TNFRSF10D: variants seen among roughly 807,000 people sequenced by gnomAD.
TNFRSF10D encodes tumor necrosis factor receptor superfamily member 10D.
A neutral mutation model predicts 42.1 loss-of-function variants in TNFRSF10D; 28 were observed. The ratio of observed to expected loss-of-function variants is 0.66; its 90% CI spans 0.49 to 0.91. TNFRSF10D has a LOEUF of 0.91. TNFRSF10D is among the 40% of genes least tolerant of loss of function. TNFRSF10D has a pLI of 0.00. For synonymous variants in TNFRSF10D, 186 were observed against 189.4 expected (o/e 0.98, Z 0.15); for missense variants, 503 against 486.1 (o/e 1.03, Z -0.33).
rs1563356817 is a variant in TNFRSF10D at position 23,145,841 on chromosome 8, G to T, written c.563C>A (p.Ser188Tyr). The change falls in exon 5 of 9, where the codon TCC (serine) becomes TAC (tyrosine). Residue 188 changes from serine to tyrosine, a missense_variant. By Grantham distance (144) the Ser-to-Tyr change is moderately radical. Coordinates refer to ENST00000312584, the MANE Select transcript of TNFRSF10D (RefSeq NM_003840.5). ...IKCKNESAAS[S>Y]TGKTPAAEET... Reference sequence around the variant, plus strand: ...CTCCGCTGCTGGGGTTTTCCCAGTGGAACTGGCAGCTGATTCATTTTTGCA... The same window carrying T: ...CTCCGCTGCTGGGGTTTTCCCAGTGTAACTGGCAGCTGATTCATTTTTGCA... 6.2e-7 allele frequency: 1 copy of T among 1,614,230 alleles called. No individual in the cohort carries two copies. Among genetic ancestry groups the T allele is most frequent in the Non-Finnish European group, 8.5e-7 (1 of 1,180,044 alleles).
At chr8:23,144,973 G>A in intron 6 of TNFRSF10D, 85 bp downstream of exon 6, 1 of 1,587,712 alleles carries the variant, frequency 6.3e-7, no homozygotes. Flanking sequence ...TGAGGACAAG[G>A]GATTGTGCCC....
At chr8:23,140,981 G>A (rs554891291) in intron 7 of TNFRSF10D, among the ~76,000 whole-genome samples, 4 of 152,214 alleles carry the variant, frequency 2.6e-5, no homozygotes, top group South Asian at 2.1e-4. Context: ...GCAGAACAAC[G>A]AAAACTAGAC....
At position 23,137,936 on chromosome 8, in the gene TNFRSF10D, T is replaced by G. The variant is rs1216453119; in HGVS notation, c.1095A>C (p.Gln365His). 2 of 1,614,126 alleles carry G rather than the reference T, an allele frequency of 1.2e-6. No homozygotes were observed. Among genetic ancestry groups the G allele is most frequent in the Non-Finnish European group, 8.5e-7 (1 of 1,180,052 alleles). ...AAAAGAGCTTTTCGGAGCCCACCAG[T>G]TGGTCCTGAATTGTTTCCTTTGCAT... The part of the protein sequence containing the change: ...EGHAKETIQD[Q>H]LVGSEKLFYE... Residue 365 changes from glutamine to histidine, a missense_variant, in exon 9 of 9, where the codon CAA becomes CAC. By Grantham distance (24) the Gln-to-His change is conservative. Transcript: ENST00000312584.
At chr8:23,145,494 AG>A (rs546965055) in intron 5 of TNFRSF10D, among the ~76,000 whole-genome samples, 173 bp downstream of exon 5, 81 of 152,232 alleles carry the variant, frequency 5.3e-4, no homozygotes, top group African/African-American at 1.8e-3. Flanking sequence ...TGATGAGACC[AG>A]GGTCCTTGGG....
intron 3 of TNFRSF10D, among the ~76,000 whole-genome samples, chr8:23,147,583 G>C (rs58785008): frequency 0.065 from 9,932 of 152,220 alleles, 1,067 homozygotes; most frequent in African/African-American, 0.23. Flanking sequence ...GCCCCCACCC[G>C]GCTGCAGGCA....
chr8:23,147,946 T>C (rs1800147309), intron 3 of TNFRSF10D, among the ~76,000 whole-genome samples: 1 of 151,164 alleles, frequency 6.6e-6, no homozygotes, highest in South Asian at 2.1e-4. Context: ...GCACCTGTAG[T>C]CATAGCTACT....
intron 5 of TNFRSF10D, 77 bp from the exon 6 acceptor site, chr8:23,145,166 A>T: frequency 6.3e-7 from 1 of 1,590,618 alleles, no homozygotes; most frequent in Non-Finnish European, 8.6e-7. Flanking sequence ...AGTGGGGCGC[A>T]GGGCTGGCTG....
At chr8:23,149,539 C>T (rs1335505364) in intron 2 of TNFRSF10D, among the ~76,000 whole-genome samples, 10 of 150,206 alleles carry the variant, frequency 6.7e-5, no homozygotes, top group African/African-American at 2.5e-4. Context: ...ATGCCACGCC[C>T]AGTCTACTTT....
At chr8:23,150,447 C>A (rs772693459) in intron 2 of TNFRSF10D, among the ~76,000 whole-genome samples, 1 of 152,222 alleles carries the variant, frequency 6.6e-6, no homozygotes, top group Non-Finnish European at 1.5e-5. Flanking sequence ...TGGATTAAGT[C>A]CCTGCTTCTT....
intron 1 of TNFRSF10D, among the ~76,000 whole-genome samples, chr8:23,159,051 G>A (rs533820956): frequency 9.2e-5 from 14 of 152,132 alleles, no homozygotes; most frequent in African/African-American, 3.1e-4. Context: ...GAATCACATG[G>A]TATGCATTCT....
At chr8:23,145,127 G>A (rs1800096709) in intron 5 of TNFRSF10D, 38 bp from the exon 6 acceptor site, 1 of 1,613,012 alleles carries the variant, frequency 6.2e-7, no homozygotes, top group Non-Finnish European at 8.5e-7. Context: ...GCGGGGAGGG[G>A]CCCATGCAGC....
Position 23,163,998 on chromosome 8 carries a change from T to C in TNFRSF10D, c.-63A>G. On this transcript the variant is annotated 5_prime_UTR_variant, in exon 1 of 9. Coordinates refer to ENST00000312584, the MANE Select transcript of TNFRSF10D (RefSeq NM_003840.5). Reference sequence around the variant, plus strand: ...AATCAGAAATCGTCCCCGTAGTTTGTGCGCGTGCAAAGGTTCTCGCAGCTA... The same window carrying C: ...AATCAGAAATCGTCCCCGTAGTTTGCGCGCGTGCAAAGGTTCTCGCAGCTA... 6.7e-7 allele frequency: 1 copy of C among 1,490,622 alleles called. No homozygotes were observed. The highest frequency in any genetic ancestry group is 8.9e-7 in the Non-Finnish European group (1 of 1,123,674). 92.3% of individuals were successfully genotyped at this position (1,490,622 alleles called of 1,614,324 possible). A position where few individuals can be genotyped will look rare whatever the true frequency, so the allele number is the denominator to read the frequency against.
intron 1 of TNFRSF10D, among the ~76,000 whole-genome samples, chr8:23,157,033 A>T (rs1251732743): frequency 4.5e-3 from 678 of 151,766 alleles, no homozygotes; most frequent in African/African-American, 0.014. Flanking sequence ...CGAGACACAA[A>T]TCACATAATT....
rs1477306013 is a variant in TNFRSF10D at position 23,148,606 on chromosome 8, G to T, written c.257-55C>A. ...AGTCACCACAGAATTCCCAGAGGCTGACAATGGCTGGCAAATTTCTCTTTT... is the reference window on the plus strand; with the variant it reads ...AGTCACCACAGAATTCCCAGAGGCTTACAATGGCTGGCAAATTTCTCTTTT... On this transcript the variant is annotated intron_variant, in intron 2 of 8. Coordinates refer to ENST00000312584, the MANE Select transcript of TNFRSF10D (RefSeq NM_003840.5). The T allele has an allele frequency of 6.6e-6, 9 of 1,360,342 alleles. No homozygotes were observed. In the Admixed American group the frequency reaches 1.1e-4, roughly 16 times the overall value. The allele number at this position is 1,360,342 out of a possible 1,614,324, so 84.3% of individuals were successfully genotyped here.
intron 2 of TNFRSF10D, among the ~76,000 whole-genome samples, chr8:23,153,164 T>A (rs1262410138): frequency 6.6e-6 from 1 of 152,174 alleles, no homozygotes; most frequent in Non-Finnish European, 1.5e-5. Context: ...AAGTAGATAT[T>A]GACCTGCAGA....
chr8:23,154,681 T>G (rs549269143), intron 2 of TNFRSF10D, among the ~76,000 whole-genome samples, 193 bp downstream of exon 2: 1 of 152,274 alleles, frequency 6.6e-6, no homozygotes, highest in Admixed American at 6.5e-5. Context: ...GGGCTCTGTA[T>G]CCATACAGCT....
At chr8:23,145,032 C>T in intron 6 of TNFRSF10D, 26 bp downstream of exon 6, 1 of 1,614,096 alleles carries the variant, frequency 6.2e-7, no homozygotes, top group Non-Finnish European at 8.5e-7. Context: ...CCACGAAGCC[C>T]CCAGTTTCTG....
chr8:23,140,011 TG>T (rs1228199503), intron 7 of TNFRSF10D, among the ~76,000 whole-genome samples: 1 of 151,598 alleles, frequency 6.6e-6, no homozygotes, highest in Non-Finnish European at 1.5e-5. Flanking sequence ...GGGGCGTAGC[TG>T]GGTACGGTGG....
intron 2 of TNFRSF10D, among the ~76,000 whole-genome samples, chr8:23,152,998 C>G (rs1394965508): frequency 6.6e-6 from 1 of 152,090 alleles, no homozygotes; most frequent in Admixed American, 6.6e-5. Flanking sequence ...GTATAGTAAT[C>G]AAAACTGAAT....
Sources: gnomAD v4.1 joint callset for allele counts (sites outside exome capture counted in the v4.1 genomes callset) on GRCh38, gnomAD v4.1.1 for gene constraint, MANE v1.5 for transcripts, NCBI Gene and HGNC (gene_info 2026-07-23, HGNC 2026-07-21) for gene names.